The following FAM184A variants were observed in gnomAD, a reference collection of about 807,000 sequenced individuals.
The protein encoded by FAM184A is protein FAM184A.
FAM184A carries 99 observed loss-of-function variants against 143.8 expected under a neutral mutation model. The ratio of observed to expected loss-of-function variants is 0.69; its 90% CI spans 0.58 to 0.81. The LOEUF is 0.81. Ranked by LOEUF, FAM184A falls within the 40% of genes least tolerant of loss-of-function variation. The pLI, the probability that FAM184A is intolerant of heterozygous loss-of-function variation, is 0.00. For synonymous variants in FAM184A, 427 were observed against 446.4 expected, an observed-to-expected ratio of 0.96 and a Z score of 0.55; for missense variants, 1,217 against 1,310.5, an observed-to-expected ratio of 0.93 and a Z score of 1.10.
In FAM184A at chr6:119,024,794, G is replaced by T; in HGVS notation, c.179C>A (p.Thr60Asn). ...TGCAGATTCATGCTCATCATTTTTAGTGTTTAAAGCATATATTACCTGCAT... is the reference window on the plus strand; with the variant it reads ...TGCAGATTCATGCTCATCATTTTTATTGTTTAAAGCATATATTACCTGCAT... ...QLTKVIYALN[T>N]KNDEHESAIQ... is the part of the protein sequence containing the mutation. The change falls in exon 2 of 18, where the codon ACT becomes AAT. Residue 60 changes from threonine (T) to asparagine (N), a missense_variant. Physicochemically the swap from Thr to Asn is moderately conservative, Grantham distance 65. Coordinates refer to ENST00000338891, the MANE Select transcript of FAM184A (RefSeq NM_024581.6). 1 of 1,608,670 alleles carries T rather than the reference G, an allele frequency of 6.2e-7. No homozygotes were observed.
At chr6:119,023,562 C>CG (rs1554269170) in intron 2 of FAM184A, among the ~76,000 whole-genome samples, 2 of 118,202 alleles carry the variant, frequency 1.7e-5, no homozygotes, top group Non-Finnish European at 3.4e-5. Context: ...TCCGCCCCCC[C>CG]CCCCAGGAAC....
At chr6:119,142,928 A>G (rs1271885452) in intron 1 of FAM184A, among the ~76,000 whole-genome samples, 1 of 152,224 alleles carries the variant, frequency 6.6e-6, no homozygotes, top group Non-Finnish European at 1.5e-5. Flanking sequence ...AAGTGAGAAC[A>G]CAGACACTCA....
chr6:119,008,550 T>C (rs967413223), intron 6 of FAM184A, among the ~76,000 whole-genome samples: 2 of 152,224 alleles, frequency 1.3e-5, no homozygotes, highest in East Asian at 3.8e-4. Context: ...ATGCTAACAT[T>C]ATCCTTGGAC....
At chr6:119,030,355 T>TC (rs1785822776) in intron 1 of FAM184A, among the ~76,000 whole-genome samples, 1 of 152,214 alleles carries the variant, frequency 6.6e-6, no homozygotes, top group African/African-American at 2.4e-5. Context: ...CTCTAATTGT[T>TC]CATTTTTCTA....
intron 1 of FAM184A, among the ~76,000 whole-genome samples, chr6:119,032,606 G>A (rs866457586): frequency 3.5e-4 from 51 of 144,720 alleles, no homozygotes; most frequent in African/African-American, 1.3e-3. Context: ...AGGAGAAGAG[G>A]GGGGAGAGGG....
At chr6:118,989,030 C>T (rs1369788255) in intron 9 of FAM184A, among the ~76,000 whole-genome samples, 2 of 143,006 alleles carry the variant, frequency 1.4e-5, no homozygotes, top group Non-Finnish European at 3.0e-5. Flanking sequence ...GGCACGATCT[C>T]GGCTCGGTGC....
At chr6:119,141,139 G>C (rs986495307) in intron 1 of FAM184A, among the ~76,000 whole-genome samples, 3 of 152,220 alleles carry the variant, frequency 2.0e-5, no homozygotes, top group African/African-American at 7.2e-5. Flanking sequence ...TTTTACTAGA[G>C]AGCCACAGCT....
rs1429890639 is a variant in FAM184A at position 119,031,276 on chromosome 6, T to C, written c.160-6463A>G. Reference sequence around the variant, plus strand: ...GAAGCCCTAACGCCCAATATGATGGTATTTGGAGACGGGACCTTTGGGAGG... The same window carrying C: ...GAAGCCCTAACGCCCAATATGATGGCATTTGGAGACGGGACCTTTGGGAGG... On this transcript the variant is annotated intron_variant, in intron 1 of 17. Coordinates refer to ENST00000338891, the MANE Select transcript of FAM184A (RefSeq NM_024581.6). The C allele has an allele frequency of 3.9e-5, 6 of 152,276 alleles. No homozygotes were observed. In the East Asian group the frequency reaches 1.2e-3, roughly 29 times the overall value. 9.4% of individuals were successfully genotyped at this position (152,276 alleles called of 1,614,324 possible). A position where few individuals can be genotyped will look rare whatever the true frequency, so the allele number is the denominator to read the frequency against.
At position 119,102,784 on chromosome 6, in the gene FAM184A, C is replaced by CAAAAAAAAA. The variant is rs58686018; in HGVS notation, c.-202+46285_-202+46293dup. Among the ~76,000 whole-genome samples, 228 of 29,964 alleles carry CAAAAAAAAA rather than the reference C, an allele frequency of 7.6e-3. 2 individuals are homozygous for CAAAAAAAAA. Among genetic ancestry groups the CAAAAAAAAA allele is most frequent in the East Asian group, 0.021 (29 of 1,374 alleles). 19.7% of individuals were successfully genotyped at this position (29,964 alleles called of 152,430 possible). On this transcript the variant is annotated intron_variant, in intron 1 of 16. Transcript: ENST00000352896. ...CAGCCTGATGACAGAGACTCCATCT[C>CAAAAAAAAA]AAAAAAAAAAAAAAAAAAAAAAAGA...
At chr6:119,120,238 G>A (rs780528614) in intron 1 of FAM184A, among the ~76,000 whole-genome samples, 1 of 152,152 alleles carries the variant, frequency 6.6e-6, no homozygotes, top group Non-Finnish European at 1.5e-5. Flanking sequence ...TGCCTGTGGT[G>A]GACATTTGAT....
At chr6:119,026,869 C>A (rs1296739707) in intron 1 of FAM184A, among the ~76,000 whole-genome samples, 2 of 152,104 alleles carry the variant, frequency 1.3e-5, no homozygotes, top group Non-Finnish European at 2.9e-5. Context: ...GTAAAGCTGC[C>A]TCCTGTAAAG....
chr6:119,006,344 T>C (rs772108951), intron 7 of FAM184A, 103 bp downstream of exon 7: 1 of 1,086,356 alleles, frequency 9.2e-7, no homozygotes, highest in Non-Finnish European at 1.4e-6. Flanking sequence ...AGAACTAATA[T>C]ACTAATTATA....
At chr6:119,131,711 T>C (rs1007055711) in intron 1 of FAM184A, among the ~76,000 whole-genome samples, 1 of 152,154 alleles carries the variant, frequency 6.6e-6, no homozygotes, top group Admixed American at 6.5e-5. Flanking sequence ...CTCAAATTCC[T>C]GGACTCAAGC....
Position 118,980,154 on chromosome 6 carries a change from T to C in FAM184A, c.2285A>G (p.Lys762Arg). ...VLAFQTMEEE[K>R]EKEQRALENH... Reference sequence around the variant, plus strand: ...AAAACTTACTCTTTGCTCCTTTTCCTTTTCCTCTTCCATAGTTTGAAATGC... The same window carrying C: ...AAAACTTACTCTTTGCTCCTTTTCCCTTTCCTCTTCCATAGTTTGAAATGC... The change falls in exon 10 of 18, where the codon AAG becomes AGG. Residue 762 changes from lysine to arginine, a missense_variant. By Grantham distance (26) the Lys-to-Arg change is conservative. Coordinates refer to ENST00000338891, the MANE Select transcript of FAM184A (RefSeq NM_024581.6). 6.2e-7 allele frequency: 1 copy of C among 1,613,676 alleles called. No individual in the cohort carries two copies. Among genetic ancestry groups the C allele is most frequent in the Non-Finnish European group, 8.5e-7 (1 of 1,179,572 alleles).
intron 1 of FAM184A, among the ~76,000 whole-genome samples, chr6:119,142,683 C>T (rs926292286): frequency 6.6e-6 from 1 of 152,186 alleles, no homozygotes; most frequent in African/African-American, 2.4e-5. Context: ...CTACAAAATG[C>T]ACTTAATTCT....
intron 16 of FAM184A, chr6:118,962,262 T>C: frequency 3.1e-6 from 1 of 321,558 alleles, no homozygotes; most frequent in Non-Finnish European, 5.8e-6. Context: ...GGGTAAAGAA[T>C]ACCCTTTTGG....
At chr6:119,133,433 AAAGG>A (rs916054984) in intron 1 of FAM184A, among the ~76,000 whole-genome samples, 4 of 152,054 alleles carry the variant, frequency 2.6e-5, no homozygotes, top group Admixed American at 2.0e-4. Flanking sequence ...TATGGAAAGG[AAAGG>A]AAGGAAGTAG....
intron 4 of FAM184A, among the ~76,000 whole-genome samples, chr6:119,019,652 T>C (rs1785376520): frequency 6.6e-6 from 1 of 152,246 alleles, no homozygotes; most frequent in African/African-American, 2.4e-5. Context: ...TATGCAGTAA[T>C]ATATTTCATT....
chr6:119,024,294 C>A lies in FAM184A; in HGVS notation c.679G>T (p.Val227Leu). Reference sequence around the variant, plus strand: ...TCAAGCATTTTGTTTAGGGACTCCACCTCCATTCTGTGTAGTTCCTCTGCC... The same window carrying A: ...TCAAGCATTTTGTTTAGGGACTCCAACTCCATTCTGTGTAGTTCCTCTGCC... The part of the protein sequence containing the change: ...EKAEELHRME[V>L]ESLNKMLEEL... The change falls in exon 2 of 18, where the codon GTG (valine) becomes TTG (leucine). Residue 227 changes from valine (V) to leucine (L), a missense_variant. By Grantham distance (32) the Val-to-Leu change is conservative (BLOSUM62 1). Coordinates refer to ENST00000338891, the MANE Select transcript of FAM184A (RefSeq NM_024581.6). The A allele has an allele frequency of 6.2e-7, 1 of 1,614,216 alleles. No homozygotes were observed. Among genetic ancestry groups the A allele is most frequent in the Middle Eastern group, 1.6e-4 (1 of 6,062 alleles).
Sources: gnomAD v4.1 joint callset for allele counts (sites outside exome capture counted in the v4.1 genomes callset) on GRCh38, gnomAD v4.1.1 for gene constraint, MANE v1.5 for transcripts, NCBI Gene and HGNC (gene_info 2026-07-23, HGNC 2026-07-21) for gene names.